Variants in DIP2C observed in about 807,000 individuals in gnomAD.
DIP2C encodes the protein DIP2 acetate--CoA ligase C (putative), also known as disco-interacting protein 2 homolog C.
In DIP2C, 33 loss-of-function variants were observed where a neutral mutation model predicts 192.4. The observed-to-expected ratio is 0.17, with a 90% CI of 0.13 to 0.23. DIP2C has a LOEUF of 0.23. DIP2C is among the 10% of genes least tolerant of loss of function. The probability of loss-of-function intolerance (pLI) is 1.00; values close to 1 mark genes in which losing one functional copy is unlikely to be tolerated. For missense variants in DIP2C, 1,537 were observed against 2,110.1 expected (o/e 0.73, Z 5.32); for synonymous variants, 979 against 864.1 (o/e 1.13, Z -2.33).
At chr10:616,964 CCACT>C (rs1453039559) in intron 1 of DIP2C, among the ~76,000 whole-genome samples, 4 of 152,170 alleles carry the variant, frequency 2.6e-5, no homozygotes, top group Admixed American at 6.5e-5. Context: ...CCCCCCATCC[CCACT>C]GAGACTCCGT....
intron 1 of DIP2C, among the ~76,000 whole-genome samples, chr10:496,526 C>A (rs1480345594): frequency 6.8e-6 from 1 of 147,366 alleles, no homozygotes; most frequent in African/African-American, 2.5e-5. Flanking sequence ...CTCTACATTA[C>A]TCCCAAATAC....
Position 487,121 on chromosome 10 carries a change from C to T in DIP2C, c.86-591G>A, listed in dbSNP as rs1226002389. ...GAATCCACATGTTAAAGCTCACAGA[C>T]AGCCACGGACGCGCAGCAGCCATGC... is the stretch of plus-strand genomic sequence containing the variant. On this transcript the variant is annotated intron_variant, in intron 1 of 36. Coordinates refer to ENST00000280886, the MANE Select transcript of DIP2C (RefSeq NM_014974.3). 2.0e-5 allele frequency among the ~76,000 whole-genome samples: 3 copies of T among 152,224 alleles called. No homozygotes were observed. In the East Asian group the frequency reaches 5.8e-4, roughly 29 times the overall value.
intron 9 of DIP2C, among the ~76,000 whole-genome samples, chr10:407,206 G>A (rs971653920): frequency 2.6e-5 from 4 of 152,206 alleles, no homozygotes; most frequent in African/African-American, 7.2e-5. Flanking sequence ...GGGTAGTTAC[G>A]CTCGCAGGAA....
At chr10:669,278 G>A (rs1857300909) in intron 1 of DIP2C, 1 of 152,280 alleles carries the variant, frequency 6.6e-6, no homozygotes, top group African/African-American at 2.4e-5. Flanking sequence ...ACCATCTGCA[G>A]AGGGCCTGTT....
chr10:449,920 C>CAACAACA (rs1408389732), intron 3 of DIP2C, among the ~76,000 whole-genome samples: 2 of 135,912 alleles, frequency 1.5e-5, no homozygotes, highest in African/African-American at 6.0e-5. Flanking sequence ...TCAACAACAA[C>CAACAACA]AAAAAAAAAA....
intron 6 of DIP2C, among the ~76,000 whole-genome samples, chr10:417,637 GA>G (rs1965751859): frequency 1.3e-4 from 1 of 7,958 alleles, no homozygotes; most frequent in Non-Finnish European, 4.3e-4. Context: ...TCAGGGCTCG[GA>G]TAGGCCTCCC....
At position 547,851 on chromosome 10, in the gene DIP2C, C is replaced by T. The variant is rs554888876; in HGVS notation, c.86-61321G>A. Among the ~76,000 whole-genome samples, 82 of 152,306 alleles carry T rather than the reference C, an allele frequency of 5.4e-4. 1 individual carries two copies. Among genetic ancestry groups the T allele is most frequent in the African/African-American group, 2.0e-3 (82 of 41,558 alleles). ...TCCATCGCACCCCTGCCCTCTCCTGCATTTCATCCATGCCCACCATCCCTG... is the reference window on the plus strand; with the variant it reads ...TCCATCGCACCCCTGCCCTCTCCTGTATTTCATCCATGCCCACCATCCCTG... On this transcript the variant is annotated intron_variant, in intron 1 of 36. Transcript: ENST00000280886.
chr10:619,907 G>T (rs1393021469), intron 1 of DIP2C, among the ~76,000 whole-genome samples: 1 of 152,148 alleles, frequency 6.6e-6, no homozygotes, highest in African/African-American at 2.4e-5. Flanking sequence ...CACCACTCAC[G>T]GCTCCATCAC....
chr10:427,807 G>A (rs772495213), intron 4 of DIP2C, among the ~76,000 whole-genome samples: 1 of 152,146 alleles, frequency 6.6e-6, no homozygotes, highest in Non-Finnish European at 1.5e-5. Context: ...ATATACTGCT[G>A]GTGGCAGTAT....
At position 517,815 on chromosome 10, in the gene DIP2C, AGCCTTTCT is replaced by A. The variant is rs1220928776; in HGVS notation, c.86-31293_86-31286del. ...AAAGGTCTCTTTATTAACAACCAGT[AGCCTTTCT>A]CATCTGGTGCTTTTTAACAAGAGGG... On this transcript the variant is annotated intron_variant, in intron 1 of 36. Coordinates refer to ENST00000280886, the MANE Select transcript of DIP2C (RefSeq NM_014974.3). Among the ~76,000 whole-genome samples, 3 of 150,914 alleles carry A rather than the reference AGCCTTTCT, an allele frequency of 2.0e-5. No individual in the cohort carries two copies. In the East Asian group the frequency reaches 5.8e-4, roughly 29 times the overall value.
chr10:399,927 A>C (rs1964284100), intron 9 of DIP2C, among the ~76,000 whole-genome samples: 1 of 152,244 alleles, frequency 6.6e-6, no homozygotes, highest in Non-Finnish European at 1.5e-5. Context: ...ATGTGGCACC[A>C]ACCCATCCTG....
At chr10:296,598 T>C (rs569168205) in intron 32 of DIP2C, among the ~76,000 whole-genome samples, 15 of 152,218 alleles carry the variant, frequency 9.9e-5, no homozygotes, top group Admixed American at 2.6e-4. Flanking sequence ...CGTATGTTCA[T>C]TGCGGCACTA....
intron 18 of DIP2C, 110 bp from the exon 19 acceptor site, chr10:366,521 T>G: frequency 6.7e-7 from 1 of 1,488,894 alleles, no homozygotes; most frequent in East Asian, 2.3e-5. Context: ...GAATGGGGTC[T>G]GGAGCAAAAC....
intron 1 of DIP2C, among the ~76,000 whole-genome samples, chr10:642,298 C>T (rs1017948431): frequency 6.6e-5 from 10 of 152,198 alleles, no homozygotes; most frequent in African/African-American, 1.9e-4. Flanking sequence ...GGATGCTGGG[C>T]CTCCGCCTCC....
chr10:499,142 C>T, intron 1 of DIP2C, among the ~76,000 whole-genome samples: 1 of 152,150 alleles, frequency 6.6e-6, no homozygotes, highest in East Asian at 1.9e-4. Flanking sequence ...CCACGATGGT[C>T]ACACAGCTGA....
chr10:585,566 C>T (rs1046157457), intron 1 of DIP2C, among the ~76,000 whole-genome samples: 3 of 152,124 alleles, frequency 2.0e-5, no homozygotes, highest in Non-Finnish European at 2.9e-5. Flanking sequence ...TGAAGCGGGG[C>T]GAGTGAAATG....
chr10:514,750 G>A (rs749139019), intron 1 of DIP2C, among the ~76,000 whole-genome samples: 5 of 151,782 alleles, frequency 3.3e-5, no homozygotes, highest in Non-Finnish European at 7.4e-5. Flanking sequence ...GAGGATGCCC[G>A]TATCAACGCC....
chr10:278,935 T>C (rs1391711698), intron 36 of DIP2C, among the ~76,000 whole-genome samples: 1 of 152,154 alleles, frequency 6.6e-6, no homozygotes, highest in Non-Finnish European at 1.5e-5. Context: ...TCGTATCTGC[T>C]CTCACGCACC....
At chr10:650,186 G>A (rs944427038) in intron 1 of DIP2C, 14 of 717,318 alleles carry the variant, frequency 2.0e-5, no homozygotes, top group African/African-American at 1.4e-4. Context: ...GAGGTCCTGC[G>A]GGGTGGGTGG....
Sources: gnomAD v4.1 joint callset for allele counts (sites outside exome capture counted in the v4.1 genomes callset) on GRCh38, gnomAD v4.1.1 for gene constraint, MANE v1.5 for transcripts, NCBI Gene and HGNC (gene_info 2026-07-23, HGNC 2026-07-21) for gene names.